The following EGFR variants were observed in gnomAD, a reference collection of about 807,000 sequenced individuals.
EGFR encodes epidermal growth factor receptor.
EGFR carries 58 observed loss-of-function variants against 143.0 expected under a neutral mutation model. The observed-to-expected ratio is 0.41, with a 90% confidence interval of 0.33 to 0.50. The LOEUF (loss-of-function observed/expected upper bound fraction) is 0.50, where lower values mean the gene tolerates loss of function less well. EGFR is among the 20% of genes least tolerant of loss of function. The probability of loss-of-function intolerance (pLI) is 0.39; values close to 1 mark genes in which losing one functional copy is unlikely to be tolerated. For synonymous variants in EGFR, 613 were observed against 594.4 expected (o/e 1.03, Z -0.45); for missense variants, 1,307 against 1,579.0 (o/e 0.83, Z 2.92).
chr7:55,103,807 C>T (rs931364774), intron 1 of EGFR, among the ~76,000 whole-genome samples: 5 of 152,132 alleles, frequency 3.3e-5, no homozygotes, highest in Non-Finnish European at 7.3e-5. Context: ...CCTATGCCTA[C>T]CAGACATGAC....
intron 15 of EGFR, among the ~76,000 whole-genome samples, chr7:55,167,261 TG>T: frequency 8.3e-6 from 1 of 120,216 alleles, no homozygotes; most frequent in Admixed American, 7.8e-5. Flanking sequence ...ATGGTGGTGG[TG>T]GTGATGGTGG....
Position 55,206,000 on chromosome 7 carries a change from A to G in EGFR, c.*383A>G, listed in dbSNP as rs1436822158. Reference sequence around the variant, plus strand: ...ACTTCAATGGGCTCTTCCAACAAGGAAGAAGCTTGCTGGTAGCACTTGCTA... The same window carrying G: ...ACTTCAATGGGCTCTTCCAACAAGGGAGAAGCTTGCTGGTAGCACTTGCTA... On this transcript the variant is annotated 3_prime_UTR_variant, in exon 28 of 28. Coordinates refer to ENST00000275493, the MANE Select transcript of EGFR (RefSeq NM_005228.5). 2.6e-6 allele frequency: 1 copy of G among 386,694 alleles called. No homozygotes were observed. The highest frequency in any genetic ancestry group is 4.8e-6 in the Non-Finnish European group (1 of 210,214). 24.0% of individuals were successfully genotyped at this position (386,694 alleles called of 1,614,324 possible). A position where few individuals can be genotyped will look rare whatever the true frequency, so the allele number is the denominator to read the frequency against.
rs1352776530 is a variant in EGFR, at chr7:55,067,316, G to C, written c.88+47951G>C. Reference sequence around the variant, plus strand: ...GAAGCACAGTGTGAAGGGAGAGCCGGAGCCCATGGGGAAATGACTCCAGAG... The same window carrying C: ...GAAGCACAGTGTGAAGGGAGAGCCGCAGCCCATGGGGAAATGACTCCAGAG... On this transcript the variant is annotated intron_variant, in intron 1 of 27. Transcript: ENST00000275493. Among the ~76,000 whole-genome samples, 2 of 146,042 alleles carry C rather than the reference G, an allele frequency of 1.4e-5. 1 individual carries two copies. Among genetic ancestry groups the C allele is most frequent in the African/African-American group, 5.6e-5 (2 of 35,590 alleles).
intron 20 of EGFR, among the ~76,000 whole-genome samples, chr7:55,188,125 T>C (rs1409400617): frequency 1.3e-5 from 2 of 152,204 alleles, no homozygotes; most frequent in Non-Finnish European, 2.9e-5. Flanking sequence ...TTTAAATAAA[T>C]ACTTCTGAAC....
At chr7:55,148,701 G>T (rs1205440118) in intron 4 of EGFR, among the ~76,000 whole-genome samples, 1 of 152,156 alleles carries the variant, frequency 6.6e-6, no homozygotes, top group Non-Finnish European at 1.5e-5. Flanking sequence ...ATTGGAGAGT[G>T]CAAATTCACC....
chr7:55,046,648 C>T (rs1788194302), intron 1 of EGFR, among the ~76,000 whole-genome samples: 2 of 151,666 alleles, frequency 1.3e-5, no homozygotes, highest in South Asian at 4.2e-4. Flanking sequence ...GGAATCTGCA[C>T]TACGCTTCTC....
intron 27 of EGFR, chr7:55,203,019 C>T (rs778607092): frequency 2.0e-5 from 8 of 405,696 alleles, no homozygotes; most frequent in Middle Eastern, 6.4e-4. Flanking sequence ...ACCTGTGAAA[C>T]GTATATTTAA....
intron 11 of EGFR, 88 bp downstream of exon 11, chr7:55,157,841 C>A: frequency 1.5e-6 from 2 of 1,293,082 alleles, no homozygotes; most frequent in Non-Finnish European, 2.2e-6. Context: ...TAAGATAGGG[C>A]ACAGAGCTCC....
At chr7:55,191,611 C>A (rs1787396974) in intron 20 of EGFR, 108 bp from the exon 21 acceptor site, 3 of 1,488,616 alleles carry the variant, frequency 2.0e-6, no homozygotes, top group Admixed American at 1.7e-5. Flanking sequence ...GCCATAAGTC[C>A]TCGACGTGGA....
intron 27 of EGFR, among the ~76,000 whole-genome samples, chr7:55,204,174 CAG>C (rs1232944028): frequency 4.0e-5 from 6 of 150,936 alleles, no homozygotes; most frequent in Non-Finnish European, 8.9e-5. Context: ...CACATACACA[CAG>C]ACACACACGA....
rs1277377507 is a variant in EGFR at position 55,032,366 on chromosome 7, T to G, written c.88+13001T>G. Among the ~76,000 whole-genome samples the G allele has an allele frequency of 2.0e-5, 3 of 152,288 alleles. No homozygotes were observed. In the South Asian group the frequency reaches 6.2e-4, roughly 32 times the overall value. On this transcript the variant is annotated intron_variant, in intron 1 of 27. Coordinates refer to ENST00000275493, the MANE Select transcript of EGFR (RefSeq NM_005228.5). Reference sequence around the variant, plus strand: ...TTAGCACAGCATGGTGGAGGCTAAATGGGCCTTAAGGGAAAAAATGATATC... The same window carrying G: ...TTAGCACAGCATGGTGGAGGCTAAAGGGGCCTTAAGGGAAAAAATGATATC...
intron 1 of EGFR, among the ~76,000 whole-genome samples, chr7:55,026,548 C>T (rs1026050124): frequency 6.6e-6 from 1 of 152,180 alleles, no homozygotes; most frequent in Non-Finnish European, 1.5e-5. Flanking sequence ...CATCTCCAAC[C>T]GGAAACATTC....
At chr7:55,190,853 T>C (rs925018221) in intron 20 of EGFR, among the ~76,000 whole-genome samples, 1 of 152,306 alleles carries the variant, frequency 6.6e-6, no homozygotes, top group East Asian at 1.9e-4. Context: ...TGCAGAGAGA[T>C]GCAGGCTGCC....
At chr7:55,021,516 CA>C (rs1362105853) in intron 1 of EGFR, among the ~76,000 whole-genome samples, 1 of 152,206 alleles carries the variant, frequency 6.6e-6, no homozygotes, top group African/African-American at 2.4e-5. Context: ...TCACTCAAAA[CA>C]GAATGCTCCT....
chr7:55,133,790 A>T (rs1793984915), intron 1 of EGFR, among the ~76,000 whole-genome samples: 1 of 152,210 alleles, frequency 6.6e-6, no homozygotes, highest in South Asian at 2.1e-4. Flanking sequence ...TGGAGGAGCC[A>T]CACGGCCCTG....
At chr7:55,154,220 C>T (rs889851368) in intron 7 of EGFR, 68 bp downstream of exon 7, 1 of 1,602,080 alleles carries the variant, frequency 6.2e-7, no homozygotes, top group Non-Finnish European at 8.5e-7. Context: ...CCTGCTGAGC[C>T]CTGGAGTATC....
At chr7:55,169,127 G>A (rs146145233) in intron 15 of EGFR, among the ~76,000 whole-genome samples, 461 of 151,190 alleles carry the variant, frequency 3.0e-3, no homozygotes, top group African/African-American at 0.011. Context: ...TCGAGACGGA[G>A]TCTTGTTCTG....
intron 1 of EGFR, among the ~76,000 whole-genome samples, chr7:55,129,739 C>T (rs1489779000): frequency 4.6e-5 from 7 of 152,198 alleles, no homozygotes; most frequent in Non-Finnish European, 8.8e-5. Flanking sequence ...CTTTATTTAG[C>T]TGATGATGAA....
In EGFR at chr7:55,095,416, A is replaced by G. The variant is rs17336115; in HGVS notation, c.89-46870A>G. Among the ~76,000 whole-genome samples the G allele has an allele frequency of 2.4e-3, 362 of 152,354 alleles. 5 individuals are homozygous for G. The Middle Eastern group carries it at 0.031, about 13-fold the overall frequency. On this transcript the variant is annotated intron_variant, in intron 1 of 27. Coordinates refer to ENST00000275493, the MANE Select transcript of EGFR (RefSeq NM_005228.5). ...TTGCCTTCTCACAGGCAGGCGTGCC[A>G]CAGTCATTTTACTGAAGCTGCTTCA...
Sources: gnomAD v4.1 joint callset for allele counts (sites outside exome capture counted in the v4.1 genomes callset) on GRCh38, gnomAD v4.1.1 for gene constraint, MANE v1.5 for transcripts, NCBI Gene and HGNC (gene_info 2026-07-23, HGNC 2026-07-21) for gene names.